ADAMTS6: variants seen among roughly 807,000 people sequenced by gnomAD.
The protein encoded by ADAMTS6 is A disintegrin and metalloproteinase with thrombospondin motifs 6.
A neutral mutation model predicts 144.3 loss-of-function variants in ADAMTS6; 23 were observed. The ratio of observed to expected loss-of-function variants is 0.16; its 90% CI spans 0.11 to 0.23. The LOEUF (loss-of-function observed/expected upper bound fraction) is 0.23, where lower values mean the gene tolerates loss of function less well. Ranked by LOEUF, ADAMTS6 falls within the 10% of genes least tolerant of loss-of-function variation. ADAMTS6 has a pLI of 1.00. For synonymous variants in ADAMTS6, 444 were observed against 457.5 expected, an observed-to-expected ratio of 0.97 and a Z score of 0.38; for missense variants, 999 against 1,379.6, an observed-to-expected ratio of 0.72 and a Z score of 4.37.
In ADAMTS6 at chr5:65,237,958, A is replaced by T. The variant is rs561792224; in HGVS notation, c.1933+4146T>A. Among the ~76,000 whole-genome samples, 7 of 151,842 alleles carry T rather than the reference A, an allele frequency of 4.6e-5. No homozygotes were observed. The South Asian group carries it at 1.5e-3, about 32-fold the overall frequency. On this transcript the variant is annotated intron_variant, in intron 15 of 24. Transcript: ENST00000381055. The stretch of plus-strand genomic sequence containing the variant: ...AAAAATTAGCCAGGCATGGTGGCAC[A>T]CACCTGCAGTCCCAGCTACTCAGGA...
chr5:65,417,994 CCAAACAGTAT>C (rs1755682674), intron 7 of ADAMTS6, among the ~76,000 whole-genome samples: 1 of 152,030 alleles, frequency 6.6e-6, no homozygotes, highest in African/African-American at 2.4e-5. Flanking sequence ...GCTACAGTAA[CCAAACAGTAT>C]GGTACTGGTA....
intron 11 of ADAMTS6, among the ~76,000 whole-genome samples, chr5:65,284,956 A>G (rs1159900376): frequency 6.6e-6 from 1 of 152,086 alleles, no homozygotes; most frequent in East Asian, 1.9e-4. Context: ...AATAAATTCT[A>G]TATTTACCTA....
chr5:65,348,748 C>A (rs1748577247), intron 7 of ADAMTS6, among the ~76,000 whole-genome samples: 1 of 151,616 alleles, frequency 6.6e-6, no homozygotes, highest in Admixed American at 6.6e-5. Context: ...CAGAACATAA[C>A]ATTGTACGCC....
At chr5:65,193,825 C>A (rs189894056) in intron 21 of ADAMTS6, among the ~76,000 whole-genome samples, 116 of 152,222 alleles carry the variant, frequency 7.6e-4, no homozygotes, top group African/African-American at 2.7e-3. Context: ...CAGCCAAAAT[C>A]GTTCAAGAGT....
chr5:65,308,587 C>T (rs1257273294), intron 9 of ADAMTS6, among the ~76,000 whole-genome samples: 5 of 152,110 alleles, frequency 3.3e-5, no homozygotes, highest in East Asian at 1.9e-4. Context: ...ATTTATTTGG[C>T]CTTATCTCAT....
Position 65,453,052 on chromosome 5 carries a change from C to T in ADAMTS6, c.632-134G>A, listed in dbSNP as rs544576803. On this transcript the variant is annotated intron_variant, in intron 4 of 24. Coordinates refer to ENST00000381055, the MANE Select transcript of ADAMTS6 (RefSeq NM_197941.4). Reference sequence around the variant, plus strand: ...TCAAAGAGAAGAGAATGAGAAAATGCAGTAGTGAGAAAAAAGTCTGTAAAT... The same window carrying T: ...TCAAAGAGAAGAGAATGAGAAAATGTAGTAGTGAGAAAAAAGTCTGTAAAT... 3 of 624,010 alleles carry T rather than the reference C, an allele frequency of 4.8e-6. No homozygotes were observed. In the East Asian group the frequency reaches 9.2e-5, roughly 19 times the overall value. The allele number at this position is 624,010 out of a possible 1,614,324, so 38.7% of individuals were successfully genotyped here.
chr5:65,370,816 G>A (rs1190657567), intron 7 of ADAMTS6, among the ~76,000 whole-genome samples: 1 of 152,214 alleles, frequency 6.6e-6, no homozygotes, highest in African/African-American at 2.4e-5. Context: ...TCCACCTCTG[G>A]GGGCAGGGCA....
At chr5:65,461,551 A>G (rs551463205) in intron 3 of ADAMTS6, among the ~76,000 whole-genome samples, 1 of 152,282 alleles carries the variant, frequency 6.6e-6, no homozygotes, top group East Asian at 1.9e-4. Context: ...CTCTTAATCC[A>G]ACTAATTTAC....
At chr5:65,292,390 T>G (rs1742404351) in intron 10 of ADAMTS6, among the ~76,000 whole-genome samples, 1 of 151,880 alleles carries the variant, frequency 6.6e-6, no homozygotes, top group South Asian at 2.1e-4. Flanking sequence ...ACTTGTGTTT[T>G]TTTTTTTTTT....
intron 11 of ADAMTS6, among the ~76,000 whole-genome samples, chr5:65,282,933 A>G (rs977909540): frequency 2.6e-5 from 4 of 152,092 alleles, no homozygotes; most frequent in Non-Finnish European, 4.4e-5. Context: ...CTGGCTTTAA[A>G]ATTTTTTTAA....
chr5:65,266,023 G>A (rs776768243), intron 12 of ADAMTS6, among the ~76,000 whole-genome samples: 4 of 151,618 alleles, frequency 2.6e-5, no homozygotes, highest in Admixed American at 1.3e-4. Flanking sequence ...GTAGATACAC[G>A]TTATTTCAGA....
In ADAMTS6 at chr5:65,176,912, C is replaced by T. The variant is rs181387502; in HGVS notation, c.2911-3904G>A. 5.9e-4 allele frequency among the ~76,000 whole-genome samples: 90 copies of T among 152,270 alleles called. 1 individual carries two copies. The East Asian group carries it at 0.017, about 29-fold the overall frequency. On this transcript the variant is annotated intron_variant, in intron 22 of 24. Coordinates refer to ENST00000381055, the MANE Select transcript of ADAMTS6 (RefSeq NM_197941.4). ...GGAAGGCACCAAGGACAATAAAGTC[C>T]ACTGCTGATGTCCCCACATTTAAAA...
intron 20 of ADAMTS6, among the ~76,000 whole-genome samples, chr5:65,213,875 A>G (rs1054680735): frequency 6.6e-6 from 1 of 152,214 alleles, no homozygotes; most frequent in Non-Finnish European, 1.5e-5. Flanking sequence ...ATCACTATTT[A>G]AAATTTAATC....
chr5:65,416,821 C>A (rs1269509545), intron 7 of ADAMTS6, among the ~76,000 whole-genome samples: 5 of 151,034 alleles, frequency 3.3e-5, no homozygotes, highest in Non-Finnish European at 7.4e-5. Flanking sequence ...TGGTATATCC[C>A]AATTCTACTG....
chr5:65,386,688 A>C (rs191941489), intron 7 of ADAMTS6, among the ~76,000 whole-genome samples: 27 of 152,268 alleles, frequency 1.8e-4, no homozygotes, highest in African/African-American at 6.0e-4. Context: ...CCCACGTCCA[A>C]GCAATTCTCC....
chr5:65,294,273 G>C (rs938418667), intron 10 of ADAMTS6, among the ~76,000 whole-genome samples: 3 of 152,160 alleles, frequency 2.0e-5, no homozygotes, highest in East Asian at 1.9e-4. Flanking sequence ...AGGCTGGAGT[G>C]AAGTGGCATG....
rs112064550 is a variant in ADAMTS6 at position 65,152,627 on chromosome 5, C to T, written c.3245-682G>A. The stretch of plus-strand genomic sequence containing the variant: ...GTGTATTTTCTCCTCAGTGCTAGAA[C>T]TGCCACAGTTGCAGTCTGCAGTTCT... On this transcript the variant is annotated intron_variant, in intron 24 of 24. Transcript: ENST00000381055. 8.5e-3 allele frequency among the ~76,000 whole-genome samples: 1,294 copies of T among 152,324 alleles called. 11 individuals carry two copies. Among genetic ancestry groups the T allele is most frequent in the Non-Finnish European group, 0.013 (860 of 68,032 alleles).
At chr5:65,184,868 G>A (rs759642254) in intron 22 of ADAMTS6, among the ~76,000 whole-genome samples, 1 of 151,980 alleles carries the variant, frequency 6.6e-6, no homozygotes, top group Non-Finnish European at 1.5e-5. Flanking sequence ...TTACAACAAT[G>A]GAAATTTTAC....
At chr5:65,408,310 C>T (rs1316987764) in intron 7 of ADAMTS6, among the ~76,000 whole-genome samples, 3 of 151,944 alleles carry the variant, frequency 2.0e-5, no homozygotes, top group Admixed American at 6.6e-5. Context: ...GAAGATCTAC[C>T]AAGCAAATGG....
Sources: allele counts gnomAD v4.1 joint callset (sites outside exome capture counted in the v4.1 genomes callset), GRCh38; gene constraint gnomAD v4.1.1; transcripts MANE v1.5; gene names NCBI Gene and HGNC (gene_info 2026-07-23, HGNC 2026-07-21).